The following WDR76 variants were observed in gnomAD, a reference collection of about 807,000 sequenced individuals.
WDR76 encodes WD repeat domain 76.
In WDR76, 52 loss-of-function variants were observed where a neutral mutation model predicts 70.2. The ratio of observed to expected loss-of-function variants is 0.74; its 90% CI spans 0.59 to 0.93. The LOEUF is 0.93. WDR76 is among the 40% of genes least tolerant of loss of function. The probability of loss-of-function intolerance (pLI) is 0.00; values close to 1 mark genes in which losing one functional copy is unlikely to be tolerated. For synonymous variants in WDR76, 292 were observed against 271.1 expected (o/e 1.08, Z -0.76); for missense variants, 756 against 760.2 (o/e 0.99, Z 0.07).
In WDR76 at chr15:43,856,574, C is replaced by CT. The variant is rs2087929231; in HGVS notation, c.1192-369dup. 2.0e-5 allele frequency among the ~76,000 whole-genome samples: 3 copies of CT among 148,762 alleles called. No homozygotes were observed. The East Asian group carries it at 5.9e-4, about 29-fold the overall frequency. On this transcript the variant is annotated intron_variant, in intron 9 of 12. Coordinates refer to ENST00000263795, the MANE Select transcript of WDR76 (RefSeq NM_024908.4). ...AATTGTAGACACAGCTGATCAGTGC[C>CT]TTTGTTTCTTTTTTGTTTTGTTTTG...
In WDR76 at chr15:43,837,724, T is replaced by A. The variant is rs980946346; in HGVS notation, c.608+1508T>A. Among the ~76,000 whole-genome samples, 5 of 152,132 alleles carry A rather than the reference T, an allele frequency of 3.3e-5. No individual in the cohort carries two copies. The East Asian group carries it at 5.8e-4, about 18-fold the overall frequency. On this transcript the variant is annotated intron_variant, in intron 4 of 12. Transcript: ENST00000263795. ...TAAAAAGGTACATATAATGTATTTG[T>A]GTAGTTGAAAAATTATACAGGTCCC...
chr15:43,827,115 CA>C (rs3832984), intron 1 of WDR76, 23 bp downstream of exon 1: 446,714 of 1,613,808 alleles, frequency 0.28, 64,336 homozygotes, highest in African/African-American at 0.43. Context: ...CTGGTGCTTC[CA>C]AGGTGTGCTC....
chr15:43,832,781 C>A (rs1428060045), intron 2 of WDR76, among the ~76,000 whole-genome samples: 1 of 110,170 alleles, frequency 9.1e-6, no homozygotes, highest in African/African-American at 3.3e-5. Flanking sequence ...GAGACAGTCT[C>A]GGCTCTTGCC....
intron 4 of WDR76, among the ~76,000 whole-genome samples, chr15:43,839,156 G>A (rs2087692217): frequency 6.6e-6 from 1 of 152,152 alleles, no homozygotes; most frequent in African/African-American, 2.4e-5. Context: ...AACGTTTTAA[G>A]TTTCCTTCCT....
At chr15:43,836,274 T>C (rs1792992322) in intron 4 of WDR76, 58 bp downstream of exon 4, 4 of 1,539,550 alleles carry the variant, frequency 2.6e-6, no homozygotes, top group Admixed American at 3.9e-5. Context: ...TGTTTTATAA[T>C]TTGAAAAAAA....
intron 5 of WDR76, among the ~76,000 whole-genome samples, chr15:43,841,658 TC>T (rs2087727142): frequency 6.6e-6 from 1 of 152,074 alleles, no homozygotes; most frequent in African/African-American, 2.4e-5. Flanking sequence ...TATTCTATTC[TC>T]ATTCACTACA....
intron 7 of WDR76, among the ~76,000 whole-genome samples, chr15:43,843,036 T>C (rs8033189): frequency 2.9e-5 from 4 of 139,034 alleles, no homozygotes. Context: ...TTTTTTTTTG[T>C]TTTTTGAGAC....
intron 7 of WDR76, 37 bp downstream of exon 7, chr15:43,842,708 T>C (rs1270260002): frequency 1.3e-6 from 2 of 1,577,300 alleles, no homozygotes; most frequent in African/African-American, 2.7e-5. Flanking sequence ...TTATATTTTT[T>C]GAGATGTTTG....
At chr15:43,852,582 G>C (rs1200196587) in intron 9 of WDR76, among the ~76,000 whole-genome samples, 1 of 152,108 alleles carries the variant, frequency 6.6e-6, no homozygotes, top group Non-Finnish European at 1.5e-5. Flanking sequence ...ATGTTGACCA[G>C]GCTGGTCTCG....
Position 43,843,890 on chromosome 15 carries a change from A to C in WDR76, c.879-11A>C, listed in dbSNP as rs372306596. ...TTTTACTTACAAAATTTAACTTTGT[A>C]ATTTTCTTAGCTACAAAGCCAATTT... On this transcript the variant is annotated splice_polypyrimidine_tract_variant and intron_variant, in intron 7 of 12. Transcript: ENST00000263795. 1.3e-6 allele frequency: 2 copies of C among 1,544,304 alleles called. No homozygotes were observed. The highest frequency in any genetic ancestry group is 4.6e-5 in the East Asian group (2 of 43,204).
intron 11 of WDR76, 140 bp from the exon 12 acceptor site, chr15:43,861,193 C>T (rs1303926677): frequency 2.7e-6 from 2 of 749,716 alleles, no homozygotes; most frequent in East Asian, 2.8e-5. Context: ...GCCTCTAAAC[C>T]CGGCCTGATC....
At chr15:43,853,408 C>T (rs891752983) in intron 9 of WDR76, among the ~76,000 whole-genome samples, 1 of 151,758 alleles carries the variant, frequency 6.6e-6, no homozygotes, top group African/African-American at 2.4e-5. Context: ...CCAGGCTGGT[C>T]TCAAACTCCT....
In WDR76 at chr15:43,832,743, G is replaced by GTTTTTTTTTTTTT. The variant is rs201304087; in HGVS notation, c.463-2303_463-2291dup. Reference sequence around the variant, plus strand: ...TGAGCCATTGCACCCGGCTTGCTTTGTTTTTTTTTTTTTTTTTTTTTTTTT... The same window carrying GTTTTTTTTTTTTT: ...TGAGCCATTGCACCCGGCTTGCTTTGTTTTTTTTTTTTTTTTTTTTTTTTTTTTTTTTTTTTTT... On this transcript the variant is annotated intron_variant, in intron 2 of 12. Coordinates refer to ENST00000263795, the MANE Select transcript of WDR76 (RefSeq NM_024908.4). 1.8e-4 allele frequency among the ~76,000 whole-genome samples: 12 copies of GTTTTTTTTTTTTT among 68,114 alleles called. 2 individuals are homozygous for GTTTTTTTTTTTTT. The highest frequency in any genetic ancestry group is 1.6e-3 in the East Asian group (3 of 1,912). The allele number at this position is 68,114 out of a possible 152,430, so 44.7% of individuals were successfully genotyped here.
chr15:43,827,965 G>A lies in WDR76; in HGVS notation c.61G>A (p.Val21Ile). 3.1e-6 allele frequency: 5 copies of A among 1,602,532 alleles called. No homozygotes were observed. The highest frequency in any genetic ancestry group is 4.2e-6 in the Non-Finnish European group (5 of 1,176,518). Residue 21 changes from valine (V) to isoleucine (I), a missense_variant and splice_region_variant, in exon 2 of 13, where the codon GTA becomes ATA. Val to Ile is a conservative substitution (Grantham distance 29). Coordinates refer to ENST00000263795, the MANE Select transcript of WDR76 (RefSeq NM_024908.4). ...TGTTTTCTTTTATTGATCTGAATAG[G>A]TAAATGAATATAAAGAAAATCAAAA... ...ADSRQRPQMK[V>I]NEYKENQNIA... is the part of the protein sequence containing the mutation.
rs571257709 is a variant in WDR76, at chr15:43,837,200, GT to G, written c.608+985del. 2.7e-3 allele frequency among the ~76,000 whole-genome samples: 405 copies of G among 152,234 alleles called. 1 individual carries two copies. Among genetic ancestry groups the G allele is most frequent in the African/African-American group, 9.2e-3 (383 of 41,538 alleles). ...TATAAATGAAGAAACTAAAATCTTG[GT>G]ATCATTAGCTCATTTGTTTAGTGCC... is the stretch of plus-strand genomic sequence containing the variant. On this transcript the variant is annotated intron_variant, in intron 4 of 12. Coordinates refer to ENST00000263795, the MANE Select transcript of WDR76 (RefSeq NM_024908.4).
Position 43,850,272 on chromosome 15 carries a change from A to T in WDR76, c.1033-815A>T, listed in dbSNP as rs574709757. ...TGCATTTTTATGGTGTTATTTTTTTATTTTATTTTATTTTATTTTATTTTA... is the reference window on the plus strand; with the variant it reads ...TGCATTTTTATGGTGTTATTTTTTTTTTTTATTTTATTTTATTTTATTTTA... On this transcript the variant is annotated intron_variant, in intron 8 of 12. Transcript: ENST00000263795. Among the ~76,000 whole-genome samples the T allele has an allele frequency of 2.0e-4, 22 of 112,628 alleles. No homozygotes were observed. The East Asian group carries it at 2.8e-3, about 14-fold the overall frequency. The allele number at this position is 112,628 out of a possible 152,430, so 73.9% of individuals were successfully genotyped here. A position where few individuals can be genotyped will look rare whatever the true frequency, so the allele number is the denominator to read the frequency against.
At chr15:43,865,274 T>G (rs890113017) in intron 12 of WDR76, among the ~76,000 whole-genome samples, 12 of 151,422 alleles carry the variant, frequency 7.9e-5, no homozygotes, top group South Asian at 2.1e-4. Context: ...TTTTGTATTT[T>G]TATTTTTATT....
At chr15:43,840,288 A>G (rs2087708700) in intron 5 of WDR76, among the ~76,000 whole-genome samples, 1 of 152,118 alleles carries the variant, frequency 6.6e-6, no homozygotes, top group Non-Finnish European at 1.5e-5. Flanking sequence ...CTCCATTAAA[A>G]AAAAGTCAGC....
Position 43,842,426 on chromosome 15 carries a change from T to G in WDR76, c.744T>G (p.Pro248=). ...ATTTTTTATAACAGCCTTTGTTACC[T>G]CCTGGGCCTTTAGAAATGACTTCTG... ...TLVADETPLL[P]PGPLEMTSEN... Residue 248 remains proline (P), a synonymous_variant, in exon 6 of 13, where the codon CCT becomes CCG. Coordinates refer to ENST00000263795, the MANE Select transcript of WDR76 (RefSeq NM_024908.4). 6.2e-7 allele frequency: 1 copy of G among 1,613,926 alleles called. No homozygotes were observed. Among genetic ancestry groups the G allele is most frequent in the Non-Finnish European group, 8.5e-7 (1 of 1,179,962 alleles).
Sources: allele counts gnomAD v4.1 joint callset (sites outside exome capture counted in the v4.1 genomes callset), GRCh38; gene constraint gnomAD v4.1.1; transcripts MANE v1.5; gene names NCBI Gene and HGNC (gene_info 2026-07-23, HGNC 2026-07-21).